Variants in NR2C1 observed in about 807,000 individuals in gnomAD.
NR2C1 encodes the protein TR2 nuclear hormone receptor.
NR2C1 carries 33 observed loss-of-function variants against 74.8 expected under a neutral mutation model. The observed-to-expected ratio is 0.44, with a 90% CI of 0.33 to 0.59. The LOEUF is 0.59. NR2C1 is among the 20% of genes least tolerant of loss of function. The probability of loss-of-function intolerance (pLI) is 0.02; values close to 1 mark genes in which losing one functional copy is unlikely to be tolerated. For missense variants in NR2C1, 568 were observed against 715.6 expected (o/e 0.79, Z 2.35); for synonymous variants, 225 against 240.6 (o/e 0.94, Z 0.60).
intron 10 of NR2C1, among the ~76,000 whole-genome samples, chr12:95,033,516 C>T (rs1870421831): frequency 6.6e-6 from 1 of 152,100 alleles, no homozygotes; most frequent in Admixed American, 6.5e-5. Flanking sequence ...TGAGAACAAG[C>T]ATATTCAATA....
intron 10 of NR2C1, among the ~76,000 whole-genome samples, chr12:95,037,229 G>A (rs1468333563): frequency 6.6e-6 from 1 of 152,254 alleles, no homozygotes; most frequent in Non-Finnish European, 1.5e-5. Context: ...CCCCGCAATG[G>A]AATCTACCAC....
rs191873719 is a variant in NR2C1, at chr12:95,057,294, G to C, written c.783+259C>G. Among the ~76,000 whole-genome samples the C allele has an allele frequency of 6.4e-3, 976 of 151,588 alleles. 12 individuals are homozygous for C. The highest frequency in any genetic ancestry group is 0.022 in the African/African-American group (921 of 41,312). On this transcript the variant is annotated intron_variant, in intron 7 of 13. Coordinates refer to ENST00000333003, the MANE Select transcript of NR2C1 (RefSeq NM_003297.4). Reference sequence around the variant, plus strand: ...TAATTTTTCCATTTTTACTGGAGACGGGGTTTCTCCATGTTGGTCAGGCTG... The same window carrying C: ...TAATTTTTCCATTTTTACTGGAGACCGGGTTTCTCCATGTTGGTCAGGCTG...
At chr12:95,065,565 C>G (rs1875559894) in intron 2 of NR2C1, among the ~76,000 whole-genome samples, 1 of 152,040 alleles carries the variant, frequency 6.6e-6, no homozygotes, top group Non-Finnish European at 1.5e-5. Context: ...ATAATAATCA[C>G]ATGGAAAACA....
chr12:95,042,822 C>T (rs1355085571), intron 9 of NR2C1, among the ~76,000 whole-genome samples: 2 of 151,288 alleles, frequency 1.3e-5, no homozygotes, highest in Non-Finnish European at 2.9e-5. Context: ...CTTGGCTGAG[C>T]GCAGTGGCTC....
Position 95,058,431 on chromosome 12 carries a change from G to A in NR2C1, c.423C>T (p.Ile141=). 6.2e-7 allele frequency: 1 copy of A among 1,613,306 alleles called. No individual in the cohort carries two copies. Among genetic ancestry groups the A allele is most frequent in the Non-Finnish European group, 8.5e-7 (1 of 1,179,758 alleles). ...EGCKGFFKRS[I]RKNLVYSCRG... is the part of the protein sequence containing the mutation. The stretch of plus-strand genomic sequence containing the variant: ...GACATGAATATACTAAATTTTTTCG[G>A]ATGCTTCTTTTAAAAAATCCTTTGC... The change falls in exon 5 of 14, where the codon ATC becomes ATT. Residue 141 remains isoleucine, a synonymous_variant. Coordinates refer to ENST00000333003, the MANE Select transcript of NR2C1 (RefSeq NM_003297.4).
chr12:95,044,202 T>C (rs979761221), intron 9 of NR2C1, among the ~76,000 whole-genome samples: 40 of 152,310 alleles, frequency 2.6e-4, no homozygotes, highest in African/African-American at 9.1e-4. Context: ...TTAGAAGTTA[T>C]TAGTTGCTTC....
In NR2C1 at chr12:95,051,791, T is replaced by C; in HGVS notation, c.936A>G (p.Gln312=). The change falls in exon 8 of 14, where the codon CAA becomes CAG. Residue 312 remains glutamine, a synonymous_variant. Transcript: ENST00000333003. ...AAACATCACCGTTGGTCTGCATTTC[T>C]TGAAATTCACACAAAGAGGTATCAT... ...SNDDTSLCEF[Q]EMQTNGDVSR... 1 of 1,607,956 alleles carries C rather than the reference T, an allele frequency of 6.2e-7. No individual in the cohort carries two copies. The highest frequency in any genetic ancestry group is 8.5e-7 in the Non-Finnish European group (1 of 1,178,626).
intron 1 of NR2C1, among the ~76,000 whole-genome samples, chr12:95,071,620 C>T (rs1489504694): frequency 6.6e-6 from 1 of 151,948 alleles, no homozygotes; most frequent in Non-Finnish European, 1.5e-5. Flanking sequence ...TAGCTTGAGG[C>T]CAGAGATCTG....
At position 95,047,013 on chromosome 12, in the gene NR2C1, A is replaced by G. The variant is rs139390836; in HGVS notation, c.1131+2055T>C. 4.5e-3 allele frequency among the ~76,000 whole-genome samples: 680 copies of G among 152,310 alleles called. 7 individuals carry two copies. The highest frequency in any genetic ancestry group is 0.016 in the African/African-American group (655 of 41,566). ...GAAGAAAAAAAAGTTGTAATTTGCC[A>G]AATTCTTCTGTCCAAAACATTTCAA... On this transcript the variant is annotated intron_variant, in intron 9 of 13. Coordinates refer to ENST00000333003, the MANE Select transcript of NR2C1 (RefSeq NM_003297.4).
At chr12:95,065,630 C>T (rs1284711598) in intron 2 of NR2C1, among the ~76,000 whole-genome samples, 1 of 152,070 alleles carries the variant, frequency 6.6e-6, no homozygotes, top group African/African-American at 2.4e-5. Flanking sequence ...TCCAATTATA[C>T]TCTTTTAGTT....
intron 9 of NR2C1, among the ~76,000 whole-genome samples, chr12:95,046,013 T>C (rs568150483): frequency 6.6e-6 from 1 of 152,146 alleles, no homozygotes; most frequent in South Asian, 2.1e-4. Flanking sequence ...CTAATTTTTG[T>C]ATTTTTAGTA....
In NR2C1 at chr12:95,048,454, A is replaced by G. The variant is rs181772403; in HGVS notation, c.1131+614T>C. Among the ~76,000 whole-genome samples, 17 of 152,338 alleles carry G rather than the reference A, an allele frequency of 1.1e-4. No individual in the cohort carries two copies. The East Asian group carries it at 2.9e-3, about 26-fold the overall frequency. On this transcript the variant is annotated intron_variant, in intron 9 of 13. Coordinates refer to ENST00000333003, the MANE Select transcript of NR2C1 (RefSeq NM_003297.4). ...TTATAAAAGCTAACTTTTAAACGCA[A>G]TAACTGCTATTATAACTGACTTAAC...
chr12:95,055,952 C>CA (rs3048563), intron 7 of NR2C1, among the ~76,000 whole-genome samples: 7,140 of 56,212 alleles, frequency 0.13, 628 homozygotes, highest in Middle Eastern at 0.29. Context: ...GACTCCGTCT[C>CA]AAAAAAAAAA....
At chr12:95,061,293 C>T (rs1320374294) in intron 3 of NR2C1, among the ~76,000 whole-genome samples, 1 of 152,146 alleles carries the variant, frequency 6.6e-6, no homozygotes, top group African/African-American at 2.4e-5. Flanking sequence ...GTCTAAACAC[C>T]TATAAACTTC....
chr12:95,064,611 G>C (rs1024687741), intron 2 of NR2C1, among the ~76,000 whole-genome samples: 1 of 152,136 alleles, frequency 6.6e-6, no homozygotes, highest in South Asian at 2.1e-4. Flanking sequence ...ATTTTGGCTT[G>C]AGCAATTGGG....
intron 10 of NR2C1, among the ~76,000 whole-genome samples, chr12:95,034,500 A>C (rs1420221085): frequency 6.6e-6 from 1 of 152,220 alleles, no homozygotes; most frequent in Admixed American, 6.5e-5. Flanking sequence ...AACTGGATCA[A>C]CATCTTTTCA....
At chr12:95,071,444 ATTAT>A (rs1876601029) in intron 1 of NR2C1, among the ~76,000 whole-genome samples, 1 of 152,152 alleles carries the variant, frequency 6.6e-6, no homozygotes, top group South Asian at 2.1e-4. Flanking sequence ...TATTTATACT[ATTAT>A]TTATTGTATG....
chr12:95,030,591 A>G (rs1392476944), intron 11 of NR2C1: 3 of 1,613,274 alleles, frequency 1.9e-6, no homozygotes, highest in Non-Finnish European at 1.7e-6. Context: ...CTTCTAGTAG[A>G]TCTATTTTTG....
At position 95,073,583 on chromosome 12, in the gene NR2C1, G is replaced by C. The variant is rs1484938624; in HGVS notation, c.-211C>G. 1.3e-5 allele frequency: 2 copies of C among 152,272 alleles called. No individual in the cohort carries two copies. Among genetic ancestry groups the C allele is most frequent in the African/African-American group, 4.8e-5 (2 of 41,470 alleles). The allele number at this position is 152,272 out of a possible 1,614,324, so 9.4% of individuals were successfully genotyped here. A position where few individuals can be genotyped will look rare whatever the true frequency, so the allele number is the denominator to read the frequency against. On this transcript the variant is annotated 5_prime_UTR_variant, in exon 1 of 14. Transcript: ENST00000333003. ...TTCGTGACCTCTTTCTCGGCTCGGC[G>C]GCGCGCTATCCCGCCAGCGCCTGCG...
Sources: gnomAD v4.1 joint callset for allele counts (sites outside exome capture counted in the v4.1 genomes callset) on GRCh38, gnomAD v4.1.1 for gene constraint, MANE v1.5 for transcripts, NCBI Gene and HGNC (gene_info 2026-07-23, HGNC 2026-07-21) for gene names.